Variants in RBFOX3 observed in about 807,000 individuals in gnomAD.
RBFOX3 encodes RNA binding fox-1 homolog 3.
RBFOX3 carries 17 observed loss-of-function variants against 48.7 expected under a neutral mutation model. The ratio of observed to expected loss-of-function variants is 0.35; its 90% confidence interval spans 0.24 to 0.52. The LOEUF (loss-of-function observed/expected upper bound fraction) is 0.52. Ranked by LOEUF, RBFOX3 falls within the 20% of genes least tolerant of loss-of-function variation. The pLI, the probability that RBFOX3 is intolerant of heterozygous loss-of-function variation, is 0.94. For synonymous variants in RBFOX3, 212 were observed against 209.5 expected (o/e 1.01, Z -0.10); for missense variants, 382 against 497.5 (o/e 0.77, Z 2.21).
rs1050851087 is a variant in RBFOX3, at chr17:79,311,449, A to C, written c.-174-3625T>G. ...ACTCCATCTCCAAAAAAAAAAAAAAAAAAAACAGACTGCAGCACCAATTCC... is the reference window on the plus strand; with the variant it reads ...ACTCCATCTCCAAAAAAAAAAAAAACAAAAACAGACTGCAGCACCAATTCC... On this transcript the variant is annotated intron_variant, in intron 2 of 14. Coordinates refer to ENST00000693108, the MANE Select transcript of RBFOX3 (RefSeq NM_001350451.2). The surrounding 1 kb of genome is among the most constrained non-coding windows in gnomAD (Gnocchi z 4.2). Among the ~76,000 whole-genome samples the C allele has an allele frequency of 1.3e-5, 2 of 150,692 alleles. No homozygotes were observed. The highest frequency in any genetic ancestry group is 1.9e-4 in the East Asian group (1 of 5,186).
chr17:79,548,807 C>T (rs751989256), intron 1 of RBFOX3, among the ~76,000 whole-genome samples: 2 of 152,100 alleles, frequency 1.3e-5, no homozygotes, highest in Admixed American at 6.5e-5. Context: ...TACAAGTGCT[C>T]GAAAAATACC....
chr17:79,348,000 T>G (rs4789890), intron 2 of RBFOX3, among the ~76,000 whole-genome samples: 12,916 of 152,142 alleles, frequency 0.085, 670 homozygotes, highest in South Asian at 0.19. Context: ...GGTGGGTGAA[T>G]GTACTCCAAG....
At chr17:79,662,411 C>A in the RBFOX3 span, among the ~76,000 whole-genome samples, 1 of 151,900 alleles carries the variant, frequency 6.6e-6, no homozygotes, top group African/African-American at 2.4e-5. Flanking sequence ...TGTGAGCCAC[C>A]GCGCCCGGCT....
chr17:79,101,386 T>C (rs1251479681), intron 9 of RBFOX3, among the ~76,000 whole-genome samples, 198 bp downstream of exon 9: 1 of 151,988 alleles, frequency 6.6e-6, no homozygotes, highest in Admixed American at 6.5e-5. Flanking sequence ...GAGGGGTGAG[T>C]GGCCCCCAGC....
At chr17:79,322,096 A>G (rs889709141) in intron 2 of RBFOX3, among the ~76,000 whole-genome samples, 2 of 152,202 alleles carry the variant, frequency 1.3e-5, no homozygotes, top group African/African-American at 4.8e-5. Flanking sequence ...TAAATATAAA[A>G]AGTGACACAG....
chr17:79,270,621 T>C (rs141097527), intron 3 of RBFOX3, among the ~76,000 whole-genome samples: 94 of 152,362 alleles, frequency 6.2e-4, no homozygotes, highest in Non-Finnish European at 9.7e-4. Flanking sequence ...GACGCACCAC[T>C]AAAGGCATCC....
At chr17:79,258,473 C>T (rs2065227233) in intron 3 of RBFOX3, among the ~76,000 whole-genome samples, 1 of 152,192 alleles carries the variant, frequency 6.6e-6, no homozygotes, top group African/African-American at 2.4e-5. Context: ...ATTTACTGAG[C>T]ACGGGAATGT....
chr17:79,306,192 T>C (rs2076067953), intron 3 of RBFOX3, among the ~76,000 whole-genome samples: 1 of 152,168 alleles, frequency 6.6e-6, no homozygotes, highest in Admixed American at 6.5e-5. Context: ...CTCTGCCAGT[T>C]CCCAGCTGGG....
intron 1 of RBFOX3, among the ~76,000 whole-genome samples, chr17:79,513,826 G>A (rs910423461): frequency 6.6e-6 from 1 of 152,228 alleles, no homozygotes; most frequent in Admixed American, 6.5e-5. Flanking sequence ...TGGTTCCTGG[G>A]TCTATGGGGG....
chr17:79,246,031 G>A (rs1219296897), intron 3 of RBFOX3, among the ~76,000 whole-genome samples: 1 of 151,450 alleles, frequency 6.6e-6, no homozygotes, highest in African/African-American at 2.4e-5. Context: ...AAAAAAAATT[G>A]TTGCTCAACC....
intron 4 of RBFOX3, among the ~76,000 whole-genome samples, chr17:79,155,597 G>A (rs1429917905): frequency 1.3e-5 from 2 of 152,218 alleles, no homozygotes; most frequent in Non-Finnish European, 2.9e-5. Flanking sequence ...GGGGGCAGGG[G>A]GGTCTCAGGG....
Position 79,254,251 on chromosome 17 carries a change from G to A in RBFOX3, c.-73-18446C>T, listed in dbSNP as rs2148331760. On this transcript the variant is annotated intron_variant, in intron 3 of 14. Coordinates refer to ENST00000693108, the MANE Select transcript of RBFOX3 (RefSeq NM_001350451.2). This position sits in a 1 kb window ranked among gnomAD's most constrained non-coding sequence, Gnocchi z 4.8. ...AGATGTCCTGGCTTCAGGGAGCAGGGCCCCTGAGGTCTGGAAGAGGCCAGC... is the reference window on the plus strand; with the variant it reads ...AGATGTCCTGGCTTCAGGGAGCAGGACCCCTGAGGTCTGGAAGAGGCCAGC... 6.6e-6 allele frequency among the ~76,000 whole-genome samples: 1 copy of A among 152,280 alleles called. No homozygotes were observed. Among genetic ancestry groups the A allele is most frequent in the East Asian group, 1.9e-4 (1 of 5,174 alleles).
intron 3 of RBFOX3, among the ~76,000 whole-genome samples, chr17:79,270,282 T>C (rs1280769507): frequency 3.9e-5 from 6 of 152,186 alleles, no homozygotes; most frequent in Non-Finnish European, 8.8e-5. Flanking sequence ...GTGCTGTCCT[T>C]GCCTCTCTCC....
At chr17:79,178,931 G>A (rs990016258) in intron 4 of RBFOX3, among the ~76,000 whole-genome samples, 1 of 152,210 alleles carries the variant, frequency 6.6e-6, no homozygotes, top group African/African-American at 2.4e-5. Context: ...GGATGCTGCC[G>A]CGGGTGCACG....
In RBFOX3 at chr17:79,502,092, GATATAAGCCTCA is replaced by G. The variant is rs1322484055; in HGVS notation, c.-319-19506_-319-19495del. On this transcript the variant is annotated intron_variant, in intron 1 of 14. Transcript: ENST00000693108. ...CACTAAGCAGGTCCCACTGAGCCTTGATATAAGCCTCAATGTGCTCATCTGAAAAATGGGGCT... is the reference window on the plus strand; with the variant it reads ...CACTAAGCAGGTCCCACTGAGCCTTGATGTGCTCATCTGAAAAATGGGGCT... Among the ~76,000 whole-genome samples, 184 of 152,276 alleles carry G rather than the reference GATATAAGCCTCA, an allele frequency of 1.2e-3. 1 individual carries two copies. Among genetic ancestry groups the G allele is most frequent in the African/African-American group, 4.3e-3 (180 of 41,542 alleles).
intron 2 of RBFOX3, among the ~76,000 whole-genome samples, chr17:79,478,244 G>T (rs201667972): frequency 6.6e-6 from 1 of 152,190 alleles, no homozygotes; most frequent in Non-Finnish European, 1.5e-5. Flanking sequence ...CAGGAAGCAC[G>T]CTCATTTGGA....
At chr17:79,434,961 A>G (rs1555730275) in intron 2 of RBFOX3, among the ~76,000 whole-genome samples, 2 of 152,222 alleles carry the variant, frequency 1.3e-5, no homozygotes, top group Non-Finnish European at 2.9e-5. Context: ...GCAAGTTCTA[A>G]GTAAAAAACG....
intron 3 of RBFOX3, among the ~76,000 whole-genome samples, chr17:79,261,900 C>T (rs1259738805): frequency 2.6e-5 from 4 of 152,120 alleles, no homozygotes; most frequent in South Asian, 2.1e-4. Flanking sequence ...GCCGGCCCCG[C>T]GGAATTGTGG....
intron 1 of RBFOX3, among the ~76,000 whole-genome samples, chr17:79,483,466 G>GCCTC (rs1598889535): frequency 2.0e-5 from 2 of 101,748 alleles, no homozygotes; most frequent in Non-Finnish European, 4.0e-5. Context: ...CTCCCTGCCT[G>GCCTC]CCTGCCTACC....
Sources: gnomAD v4.1 joint callset for allele counts (sites outside exome capture counted in the v4.1 genomes callset) on GRCh38, gnomAD v4.1.1 for gene constraint, Gnocchi (gnomAD v3.1) non-coding constraint, MANE v1.5 for transcripts, NCBI Gene and HGNC (gene_info 2026-07-23, HGNC 2026-07-21) for gene names.